Variants in CCDC192 observed in about 807,000 individuals in gnomAD.
CCDC192 encodes the protein coiled-coil domain containing 192.
chr5:127,927,999 C>T (rs957726143), intron 6 of CCDC192, among the ~76,000 whole-genome samples: 1 of 140,442 alleles, frequency 7.1e-6, no homozygotes, highest in Non-Finnish European at 1.5e-5. Flanking sequence ...CCAATCTTGG[C>T]TCACTGCAGC....
intron 5 of CCDC192, among the ~76,000 whole-genome samples, chr5:127,861,437 C>T (rs1216532399): frequency 1.3e-5 from 2 of 151,248 alleles, no homozygotes; most frequent in Non-Finnish European, 2.9e-5. Flanking sequence ...GGCAGATCAC[C>T]TGAGATCAGG....
intron 5 of CCDC192, among the ~76,000 whole-genome samples, chr5:127,867,481 C>G (rs944351693): frequency 6.6e-6 from 1 of 152,206 alleles, no homozygotes; most frequent in African/African-American, 2.4e-5. Context: ...TCACTTCTTA[C>G]AGATGTTTGC....
intron 2 of CCDC192, among the ~76,000 whole-genome samples, chr5:127,743,128 A>G (rs1753518654): frequency 6.6e-6 from 1 of 152,028 alleles, no homozygotes; most frequent in Non-Finnish European, 1.5e-5. Flanking sequence ...AGAGAAGGTC[A>G]GGCTATTTAC....
chr5:127,826,245 C>T (rs948524470), intron 5 of CCDC192, among the ~76,000 whole-genome samples: 12 of 151,994 alleles, frequency 7.9e-5, no homozygotes, highest in Admixed American at 2.0e-4. Flanking sequence ...CCATCTCACA[C>T]GAGTCAGGAT....
intron 3 of CCDC192, among the ~76,000 whole-genome samples, chr5:127,768,361 A>G (rs567909008): frequency 1.4e-4 from 22 of 152,300 alleles, no homozygotes; most frequent in Non-Finnish European, 2.8e-4. Flanking sequence ...ACACTCATAT[A>G]GGGAGAAAGC....
chr5:127,851,781 T>C (rs1750807641), intron 5 of CCDC192, among the ~76,000 whole-genome samples: 1 of 152,160 alleles, frequency 6.6e-6, no homozygotes, highest in Non-Finnish European at 1.5e-5. Context: ...TAAATTTCCC[T>C]TTTAACTAGA....
intron 6 of CCDC192, among the ~76,000 whole-genome samples, chr5:127,885,549 A>G (rs957345919): frequency 6.6e-6 from 1 of 152,204 alleles, no homozygotes; most frequent in Non-Finnish European, 1.5e-5. Flanking sequence ...CAGAAACCTC[A>G]CTATTATTTT....
Position 127,811,479 on chromosome 5 carries a change from A to T in CCDC192, c.411+13317A>T, listed in dbSNP as rs140167674. 2.9e-3 allele frequency among the ~76,000 whole-genome samples: 448 copies of T among 152,332 alleles called. 3 individuals are homozygous for T. The highest frequency in any genetic ancestry group is 1.0e-2 in the African/African-American group (414 of 41,584). On this transcript the variant is annotated intron_variant, in intron 5 of 6. Transcript: ENST00000514853. ...TTTTTTAGAGGGTTGTGTACTTAGT[A>T]ATGCTTAGATAGGAAGGCTTAAACA...
chr5:127,927,423 G>C lies in CCDC192; in HGVS notation c.536-13759G>C, dbSNP rs1390326590. On this transcript the variant is annotated intron_variant, in intron 6 of 6. Transcript: ENST00000514853. ...TATCTGTGGTTGCAGGCATCCACGGGGGGTCTTGGAACTATCCCCCGAGAA... is the reference window on the plus strand; with the variant it reads ...TATCTGTGGTTGCAGGCATCCACGGCGGGTCTTGGAACTATCCCCCGAGAA... 3.9e-5 allele frequency among the ~76,000 whole-genome samples: 6 copies of C among 152,142 alleles called. No homozygotes were observed. The East Asian group carries it at 1.2e-3, about 29-fold the overall frequency.
At chr5:127,832,054 A>T (rs995970185) in intron 5 of CCDC192, among the ~76,000 whole-genome samples, 3 of 152,110 alleles carry the variant, frequency 2.0e-5, no homozygotes, top group Admixed American at 1.3e-4. Flanking sequence ...TTTAAAAAAG[A>T]AAAAGAAAAA....
chr5:127,783,400 T>A (rs985188173), intron 3 of CCDC192, among the ~76,000 whole-genome samples: 1 of 152,204 alleles, frequency 6.6e-6, no homozygotes, highest in African/African-American at 2.4e-5. Flanking sequence ...CAGGATCAGA[T>A]TATTTAATTT....
In CCDC192 at chr5:127,776,602, G is replaced by A. The variant is rs576884843; in HGVS notation, c.223-20501G>A. Among the ~76,000 whole-genome samples the A allele has an allele frequency of 2.6e-5, 4 of 152,340 alleles. No individual in the cohort carries two copies. The East Asian group carries it at 7.7e-4, about 29-fold the overall frequency. The stretch of plus-strand genomic sequence containing the variant: ...TAATCATCAAGATGTTGGAGAAAAT[G>A]TCTCCAGGGCATATCCAAGGTCTTC... On this transcript the variant is annotated intron_variant, in intron 3 of 6. Transcript: ENST00000514853.
At chr5:127,909,172 G>A (rs1265022862) in intron 6 of CCDC192, among the ~76,000 whole-genome samples, 2 of 152,110 alleles carry the variant, frequency 1.3e-5, no homozygotes, top group Non-Finnish European at 2.9e-5. Context: ...ACCCCTGGGC[G>A]AGAGCAGTGG....
At chr5:127,745,106 A>G (rs1190326144) in intron 2 of CCDC192, among the ~76,000 whole-genome samples, 1 of 152,226 alleles carries the variant, frequency 6.6e-6, no homozygotes, top group African/African-American at 2.4e-5. Context: ...ACAATTATTT[A>G]TCAGGCTCCT....
chr5:127,919,592 T>A (rs1753648863), intron 6 of CCDC192, among the ~76,000 whole-genome samples: 1 of 152,178 alleles, frequency 6.6e-6, no homozygotes, highest in Non-Finnish European at 1.5e-5. Context: ...AGTATCACTA[T>A]CTGCAGTTGT....
chr5:127,713,127 G>A (rs1411457821), intron 2 of CCDC192, among the ~76,000 whole-genome samples: 4 of 151,898 alleles, frequency 2.6e-5, no homozygotes, highest in Non-Finnish European at 5.9e-5. Flanking sequence ...CCAGCTACTC[G>A]GGAGACTGAG....
intron 3 of CCDC192, among the ~76,000 whole-genome samples, chr5:127,793,010 A>G (rs1170064907): frequency 2.0e-5 from 3 of 152,214 alleles, no homozygotes; most frequent in South Asian, 2.1e-4. Flanking sequence ...AAAATACAGC[A>G]TAGATTGGGT....
At chr5:127,934,683 GA>G (rs1354533067) in intron 6 of CCDC192, among the ~76,000 whole-genome samples, 1 of 152,176 alleles carries the variant, frequency 6.6e-6, no homozygotes, top group African/African-American at 2.4e-5. Flanking sequence ...ATTTATTTCA[GA>G]GAATAGCCAT....
intron 5 of CCDC192, among the ~76,000 whole-genome samples, chr5:127,833,063 T>G (rs569325445): frequency 1.3e-5 from 2 of 152,304 alleles, no homozygotes; most frequent in Non-Finnish European, 2.9e-5. Context: ...ATCTTATTCT[T>G]AGGTTATTGT....
Sources: allele counts gnomAD v4.1 joint callset (sites outside exome capture counted in the v4.1 genomes callset), GRCh38; gene constraint gnomAD v4.1.1; transcripts MANE v1.5; gene names NCBI Gene and HGNC (gene_info 2026-07-23, HGNC 2026-07-21).